PTPRS: variants seen among roughly 807,000 people sequenced by gnomAD.
The protein encoded by PTPRS is protein tyrosine phosphatase receptor type S.
In PTPRS, 63 loss-of-function variants were observed where a neutral mutation model predicts 215.3. The ratio of observed to expected loss-of-function variants is 0.29; its 90% CI spans 0.24 to 0.36. The LOEUF is 0.36. Among genes scored for constraint, PTPRS ranks in the 10% least tolerant of loss-of-function variants. The probability of loss-of-function intolerance (pLI) is 1.00; values close to 1 mark genes in which losing one functional copy is unlikely to be tolerated. For missense variants in PTPRS, 2,258 were observed against 2,825.8 expected (o/e 0.80, Z 4.56); for synonymous variants, 1,404 against 1,191.4 (o/e 1.18, Z -3.68).
In PTPRS at chr19:5,260,673, T is replaced by A. The variant is rs377553595; in HGVS notation, c.595+132A>T. On this transcript the variant is annotated intron_variant, in intron 7 of 37. Coordinates refer to ENST00000262963, the MANE Select transcript of PTPRS (RefSeq NM_002850.4). ...ACAGACGCAGAGACCGGACTAACACTGGGTGGAACAAAGGTGGTGGCAGGG... is the reference window on the plus strand; with the variant it reads ...ACAGACGCAGAGACCGGACTAACACAGGGTGGAACAAAGGTGGTGGCAGGG... 3.2e-4 allele frequency: 390 copies of A among 1,218,106 alleles called. 2 individuals are homozygous for A. In the South Asian group the frequency reaches 4.7e-3, roughly 15 times the overall value. 75.5% of individuals were successfully genotyped at this position (1,218,106 alleles called of 1,614,324 possible).
intron 1 of PTPRS, among the ~76,000 whole-genome samples, chr19:5,328,731 A>T (rs2050235975): frequency 6.6e-6 from 1 of 151,640 alleles, no homozygotes; most frequent in Non-Finnish European, 1.5e-5. Context: ...GGAGTTCAAG[A>T]CCAGCCTGGC....
intron 1 of PTPRS, among the ~76,000 whole-genome samples, chr19:5,298,046 G>T (rs1050005479): frequency 6.6e-6 from 1 of 151,810 alleles, no homozygotes; most frequent in Non-Finnish European, 1.5e-5. Context: ...CGCCCGCCTC[G>T]GCCTCCCAAA....
At position 5,214,635 on chromosome 19, in the gene PTPRS, C is replaced by T; in HGVS notation, c.4420G>A (p.Asp1474Asn). The T allele has an allele frequency of 6.2e-7, 1 of 1,613,346 alleles. No individual in the cohort carries two copies. Among genetic ancestry groups the T allele is most frequent in the Non-Finnish European group, 8.5e-7 (1 of 1,179,984 alleles). Residue 1474 changes from aspartate (D) to asparagine (N), a missense_variant, in exon 29 of 38, where the codon GAC becomes AAC. Physicochemically the swap from Asp to Asn is conservative, Grantham distance 23. Transcript: ENST00000262963. ...TQGPLPETFG[D>N]FWRMVWEQRS... Reference sequence around the variant, plus strand: ...TGCTCCCACACCATACGCCAGAAGTCCCCAAAGGTCTCAGGCAGCGGCCCC... The same window carrying T: ...TGCTCCCACACCATACGCCAGAAGTTCCCAAAGGTCTCAGGCAGCGGCCCC...
chr19:5,308,451 C>G (rs1468051313), intron 1 of PTPRS, among the ~76,000 whole-genome samples: 3 of 152,214 alleles, frequency 2.0e-5, no homozygotes, highest in Admixed American at 2.0e-4. Flanking sequence ...GCCAAGCAAA[C>G]AGCTGAAGCC....
rs1600048344 is a variant in PTPRS at position 5,293,605 on chromosome 19, A to G, written c.-94-7371T>C. ...CGCATGAGGAGGCTGGATGCCGGACAGGGCGGCGGAGGGCTCCCCAAACAC... is the reference window on the plus strand; with the variant it reads ...CGCATGAGGAGGCTGGATGCCGGACGGGGCGGCGGAGGGCTCCCCAAACAC... On this transcript the variant is annotated intron_variant, in intron 1 of 37. Coordinates refer to ENST00000262963, the MANE Select transcript of PTPRS (RefSeq NM_002850.4). The surrounding 1 kb of genome is among the most constrained non-coding windows in gnomAD (Gnocchi z 8.4). Among the ~76,000 whole-genome samples the G allele has an allele frequency of 6.6e-6, 1 of 152,110 alleles. No individual in the cohort carries two copies. Among genetic ancestry groups the G allele is most frequent in the African/African-American group, 2.4e-5 (1 of 41,426 alleles).
Position 5,210,561 on chromosome 19 carries a change from A to G in PTPRS, c.5395T>C (p.Ser1799Pro). Reference protein sequence around the residue: ...KCHQYWPAERSARYQYFVVDP... With the variant: ...KCHQYWPAERPARYQYFVVDP... ...ACCACAAAGTACTGGTAGCGGGCAG[A>G]GCGCTCGGCCGGCCAGTACTGGTGA... Residue 1799 changes from serine (S) to proline (P), a missense_variant, in exon 35 of 38, where the codon TCT becomes CCT. Transcript: ENST00000262963. This position sits in a 1 kb window ranked among gnomAD's most constrained non-coding sequence, Gnocchi z 4.5. 6.2e-7 allele frequency: 1 copy of G among 1,614,184 alleles called. No individual in the cohort carries two copies. Among genetic ancestry groups the G allele is most frequent in the South Asian group, 1.1e-5 (1 of 91,090 alleles).
intron 1 of PTPRS, among the ~76,000 whole-genome samples, chr19:5,311,999 G>A (rs1277536014): frequency 2.6e-5 from 4 of 151,212 alleles, no homozygotes; most frequent in African/African-American, 7.3e-5. Flanking sequence ...GAGATCGTGC[G>A]CCACTGCATT....
intron 33 of PTPRS, 78 bp downstream of exon 33, chr19:5,211,512 C>T (rs2040883271): frequency 4.2e-6 from 6 of 1,444,634 alleles, no homozygotes; most frequent in Admixed American, 4.0e-5. Flanking sequence ...AGCTCTGTCT[C>T]CCACAAGACT....
chr19:5,274,448 G>A, intron 2 of PTPRS, 104 bp from the exon 3 acceptor site: 8 of 1,309,866 alleles, frequency 6.1e-6, no homozygotes, highest in South Asian at 3.0e-5. Flanking sequence ...GCCCACGGAA[G>A]TGCCATGTGG....
chr19:5,210,436 C>A lies in PTPRS; in HGVS notation c.5487+33G>T. ...AGCCCTTTCCAGATCACTAAGGCTC[C>A]AGCCCCTCCCGCCAGTCTGTCTCTT... On this transcript the variant is annotated intron_variant, in intron 35 of 37. Transcript: ENST00000262963. The surrounding 1 kb of genome is among the most constrained non-coding windows in gnomAD (Gnocchi z 4.5). 1 of 1,613,692 alleles carries A rather than the reference C, an allele frequency of 6.2e-7. No individual in the cohort carries two copies. Among genetic ancestry groups the A allele is most frequent in the Non-Finnish European group, 8.5e-7 (1 of 1,179,804 alleles).
intron 1 of PTPRS, among the ~76,000 whole-genome samples, chr19:5,335,216 G>T (rs147535521): frequency 6.6e-6 from 1 of 152,322 alleles, no homozygotes; most frequent in African/African-American, 2.4e-5. Flanking sequence ...GTCCAGGAGC[G>T]GAAGGAAGGA....
intron 4 of PTPRS, among the ~76,000 whole-genome samples, chr19:5,266,026 G>A (rs1003041683): frequency 2.6e-5 from 4 of 152,116 alleles, no homozygotes; most frequent in African/African-American, 7.2e-5. Context: ...TTGGGAGGCC[G>A]AGACAGGTGG....
chr19:5,235,444 A>T (rs2043363612), intron 13 of PTPRS, among the ~76,000 whole-genome samples: 1 of 152,180 alleles, frequency 6.6e-6, no homozygotes, highest in Non-Finnish European at 1.5e-5. Context: ...GTTTTCAGTA[A>T]AAACTGTGTA....
chr19:5,235,044 C>T (rs1481923187), intron 13 of PTPRS, among the ~76,000 whole-genome samples: 1 of 151,658 alleles, frequency 6.6e-6, no homozygotes, highest in Admixed American at 6.6e-5. Context: ...GGGTTCACGC[C>T]ATTCTCCTGT....
chr19:5,251,544 G>T (rs906243511), intron 9 of PTPRS, among the ~76,000 whole-genome samples: 2 of 149,938 alleles, frequency 1.3e-5, no homozygotes, highest in Non-Finnish European at 3.0e-5. Flanking sequence ...CGCTGTGGCC[G>T]CCGGAGACAC....
intron 1 of PTPRS, among the ~76,000 whole-genome samples, chr19:5,299,376 C>T (rs560983079): frequency 1.1e-4 from 16 of 152,350 alleles, no homozygotes; most frequent in African/African-American, 3.8e-4. Flanking sequence ...ACAGGCTATG[C>T]CTCTGCCTGG....
rs1368704696 is a variant in PTPRS, at chr19:5,206,762, GGA to G, written c.*10_*11del. 5 of 1,613,008 alleles carry G rather than the reference GGA, an allele frequency of 3.1e-6. No homozygotes were observed. The South Asian group carries it at 5.5e-5, about 18-fold the overall frequency. On this transcript the variant is annotated 3_prime_UTR_variant, in exon 38 of 38. Coordinates refer to ENST00000262963, the MANE Select transcript of PTPRS (RefSeq NM_002850.4). ...GGGGCCAGTGGTGTCGGGCCTGGGG[GGA>G]ACCATGGCTTTAGGTTGCATAGTGG... is the stretch of plus-strand genomic sequence containing the variant.
chr19:5,263,601 G>A (rs1010313790), intron 5 of PTPRS, among the ~76,000 whole-genome samples: 5 of 152,232 alleles, frequency 3.3e-5, no homozygotes, highest in Admixed American at 6.5e-5. Context: ...AAGGCAGGGC[G>A]TCAAGCCCGG....
intron 1 of PTPRS, among the ~76,000 whole-genome samples, chr19:5,326,506 G>A (rs1367303376): frequency 1.3e-5 from 2 of 152,104 alleles, no homozygotes; most frequent in Non-Finnish European, 2.9e-5. Context: ...CGTTTTAAAA[G>A]AGAATGGGTT....
Sources: allele counts gnomAD v4.1 joint callset (sites outside exome capture counted in the v4.1 genomes callset), GRCh38; gene constraint gnomAD v4.1.1; non-coding constraint Gnocchi (gnomAD v3.1); transcripts MANE v1.5; gene names NCBI Gene and HGNC (gene_info 2026-07-23, HGNC 2026-07-21).